MITF: variants seen among roughly 807,000 people sequenced by gnomAD.
The protein encoded by MITF is microphthalmia-associated transcription factor.
MITF carries 17 observed loss-of-function variants against 60.5 expected under a neutral mutation model. That is an observed-to-expected ratio of 0.28 (90% CI 0.19 to 0.42). The LOEUF (loss-of-function observed/expected upper bound fraction) is 0.42, where lower values mean the gene tolerates loss of function less well. MITF is among the 10% of genes least tolerant of loss of function. MITF has a pLI of 1.00. For synonymous variants in MITF, 260 were observed against 248.5 expected, an observed-to-expected ratio of 1.05 and a Z score of -0.43; for missense variants, 622 against 683.5, an observed-to-expected ratio of 0.91 and a Z score of 1.00.
chr3:69,897,715 T>C (rs1372752349), intron 2 of MITF, among the ~76,000 whole-genome samples: 2 of 152,208 alleles, frequency 1.3e-5, no homozygotes, highest in Non-Finnish European at 2.9e-5. Flanking sequence ...GGGATTCAAA[T>C]CTTCGAGAGT....
At chr3:69,957,355 A>T (rs2066424629) in intron 8 of MITF, among the ~76,000 whole-genome samples, 1 of 152,248 alleles carries the variant, frequency 6.6e-6, no homozygotes, top group Non-Finnish European at 1.5e-5. Context: ...AAATGTAAAG[A>T]TGAAATCAAG....
intron 1 of MITF, among the ~76,000 whole-genome samples, chr3:69,792,998 C>CTTT (rs58440406): frequency 0.04 from 1,229 of 31,112 alleles, 293 homozygotes; most frequent in East Asian, 0.092. Context: ...AAGTCTTTAG[C>CTTT]TTTTTTTTTT....
At chr3:69,787,441 G>A (rs62250977) in intron 1 of MITF, among the ~76,000 whole-genome samples, 27,639 of 152,186 alleles carry the variant, frequency 0.18, 3,127 homozygotes, top group East Asian at 0.47. Flanking sequence ...CTAGATCAAG[G>A]TTTAACTTGT....
chr3:69,813,200 C>T (rs2063127699), intron 1 of MITF, among the ~76,000 whole-genome samples: 1 of 152,126 alleles, frequency 6.6e-6, no homozygotes, highest in Non-Finnish European at 1.5e-5. Context: ...TGTTACTCTT[C>T]AAGATAACTT....
At chr3:69,821,609 A>G (rs1529584) in intron 1 of MITF, among the ~76,000 whole-genome samples, 1 of 149,804 alleles carries the variant, frequency 6.7e-6, no homozygotes, top group Non-Finnish European at 1.5e-5. Flanking sequence ...ACCTAGATTT[A>G]AAAAAAACTC....
intron 8 of MITF, 64 bp downstream of exon 8, chr3:69,956,594 T>C: frequency 7.4e-7 from 1 of 1,359,934 alleles, no homozygotes; most frequent in Non-Finnish European, 1.1e-6. Flanking sequence ...TTTTCATACG[T>C]TGTAAAAAAT....
At chr3:69,812,109 G>A (rs2063110193) in intron 1 of MITF, among the ~76,000 whole-genome samples, 1 of 152,042 alleles carries the variant, frequency 6.6e-6, no homozygotes, top group Admixed American at 6.6e-5. Context: ...GTAACCAGTG[G>A]GGCAGTACTA....
intron 1 of MITF, among the ~76,000 whole-genome samples, chr3:69,820,118 A>G (rs1436662375): frequency 6.6e-6 from 1 of 152,246 alleles, no homozygotes. Context: ...CATATGAAAA[A>G]GGAAAGTAAA....
At chr3:69,826,414 A>G (rs1385538955) in intron 1 of MITF, among the ~76,000 whole-genome samples, 2 of 152,190 alleles carry the variant, frequency 1.3e-5, no homozygotes, top group African/African-American at 4.8e-5. Context: ...TTTCATTTCC[A>G]TATAGTATTT....
chr3:69,903,441 T>C (rs1206484026), intron 2 of MITF, among the ~76,000 whole-genome samples: 1 of 152,162 alleles, frequency 6.6e-6, no homozygotes, highest in African/African-American at 2.4e-5. Flanking sequence ...CTAACTATCT[T>C]GCAGATGGAT....
At chr3:69,755,781 T>C (rs1293205002) in intron 1 of MITF, among the ~76,000 whole-genome samples, 1 of 152,144 alleles carries the variant, frequency 6.6e-6, no homozygotes, top group East Asian at 1.9e-4. Context: ...CCTCATTGAA[T>C]AGTTGTGAAT....
chr3:69,792,551 A>G (rs1212099006), intron 1 of MITF, among the ~76,000 whole-genome samples: 1 of 152,164 alleles, frequency 6.6e-6, no homozygotes, highest in Non-Finnish European at 1.5e-5. Flanking sequence ...AGAAATCAAT[A>G]TTAAGAGTTT....
At chr3:69,905,702 T>C (rs867824016) in intron 2 of MITF, among the ~76,000 whole-genome samples, 1 of 152,080 alleles carries the variant, frequency 6.6e-6, no homozygotes, top group African/African-American at 2.4e-5. Flanking sequence ...TGTGTAATAC[T>C]ATCTCATTGT....
At position 69,747,771 on chromosome 3, in the gene MITF, C is replaced by G. The variant is rs367999957; in HGVS notation, c.104+8070C>G. On this transcript the variant is annotated intron_variant, in intron 1 of 9. Transcript: ENST00000352241. Reference sequence around the variant, plus strand: ...GGTCTTGTTAGTTTTGTTATCCTTTCTTTCCTCTAGGATCATCCTACTTGA... The same window carrying G: ...GGTCTTGTTAGTTTTGTTATCCTTTGTTTCCTCTAGGATCATCCTACTTGA... Among the ~76,000 whole-genome samples the G allele has an allele frequency of 1.6e-4, 24 of 152,336 alleles. No individual in the cohort carries two copies. The East Asian group carries it at 4.6e-3, about 29-fold the overall frequency.
intron 1 of MITF, among the ~76,000 whole-genome samples, chr3:69,834,846 CTTTT>C (rs71126468): frequency 2.3e-5 from 3 of 129,668 alleles, no homozygotes; most frequent in Admixed American, 7.8e-5. Context: ...GTTTTCTTTT[CTTTT>C]TTTTTTTTTT....
At chr3:69,857,436 A>T (rs1236653799) in intron 1 of MITF, among the ~76,000 whole-genome samples, 1 of 152,138 alleles carries the variant, frequency 6.6e-6, no homozygotes, top group East Asian at 1.9e-4. Flanking sequence ...AGATACAGTT[A>T]TCAGTGTGAC....
At chr3:69,747,843 G>A (rs1462455895) in intron 1 of MITF, among the ~76,000 whole-genome samples, 1 of 152,158 alleles carries the variant, frequency 6.6e-6, no homozygotes, top group South Asian at 2.1e-4. Context: ...GATAATTAAT[G>A]TCTGACCATA....
intron 4 of MITF, 138 bp from the exon 5 acceptor site, chr3:69,941,098 G>T: frequency 1.6e-6 from 1 of 625,152 alleles, no homozygotes. Context: ...TATTTTAGTG[G>T]AAAGAGGACA....
At chr3:69,890,993 C>T (rs894137837) in intron 2 of MITF, among the ~76,000 whole-genome samples, 1 of 152,204 alleles carries the variant, frequency 6.6e-6, no homozygotes, top group East Asian at 1.9e-4. Flanking sequence ...AAAATCATCA[C>T]GTTGTCAGAT....
Sources: gnomAD v4.1 joint callset for allele counts (sites outside exome capture counted in the v4.1 genomes callset) on GRCh38, gnomAD v4.1.1 for gene constraint, MANE v1.5 for transcripts, NCBI Gene and HGNC (gene_info 2026-07-23, HGNC 2026-07-21) for gene names.